The following NDN variants were observed in gnomAD, a reference collection of about 807,000 sequenced individuals.
NDN encodes the protein necdin, MAGE family member.
For missense variants in NDN, 465 were observed against 440.4 expected (o/e 1.06, Z -0.50); for synonymous variants, 245 against 189.4 (o/e 1.29, Z -2.41).
chr15:23,687,144 C>T lies in NDN; in HGVS notation c.74G>A (p.Ser25Asn). Reference protein sequence around the residue: ...AEAPNSEVHSSPGVSEGVPPS... With the variant: ...AEAPNSEVHSNPGVSEGVPPS... ...AGGAACCCCCTCCGAAACCCCAGGG[C>T]TGCTGTGCACCTCGGAGTTGGGGGC... The change falls in exon 1 of 1, where the codon AGC (serine) becomes AAC (asparagine). Residue 25 changes from serine (S) to asparagine (N), a missense_variant. Physicochemically the swap from Ser to Asn is conservative, Grantham distance 46. Transcript: ENST00000649030. 1 of 1,564,702 alleles carries T rather than the reference C, an allele frequency of 6.4e-7. No individual in the cohort carries two copies. The highest frequency in any genetic ancestry group is 1.4e-5 in the African/African-American group (1 of 71,498).
rs1277764200 is a variant in NDN at position 23,686,762 on chromosome 15, C to A, written c.456G>T (p.Gly152=). Residue 152 remains glycine, a synonymous_variant, in exon 1 of 1, where the codon GGG becomes GGT. Coordinates refer to ENST00000649030, the MANE Select transcript of NDN (RefSeq NM_002487.3). Reference sequence around the variant, plus strand: ...GCAGGCTGGTTAGCCTCAGGTGCAGCCCGAACACCCGGGCGAGGATGAGGC... The same window carrying A: ...GCAGGCTGGTTAGCCTCAGGTGCAGACCGAACACCCGGGCGAGGATGAGGC... ...RTSLILARVF[G]LHLRLTSLHT... 3 of 1,613,996 alleles carry A rather than the reference C, an allele frequency of 1.9e-6. No homozygotes were observed. The highest frequency in any genetic ancestry group is 3.3e-5 in the Admixed American group (2 of 60,028).
rs1193839039 is a variant in NDN, at chr15:23,685,621, T to C, written c.*631A>G. On this transcript the variant is annotated 3_prime_UTR_variant, in exon 1 of 1. Coordinates refer to ENST00000649030, the MANE Select transcript of NDN (RefSeq NM_002487.3). ...TCTGTATACACTGTAAAATAGAGAA[T>C]TGTCTCATTCCCAACCATACTGCTT... is the stretch of plus-strand genomic sequence containing the variant. 1 of 152,218 alleles carries C rather than the reference T, an allele frequency of 6.6e-6. No individual in the cohort carries two copies. Among genetic ancestry groups the C allele is most frequent in the Non-Finnish European group, 1.5e-5 (1 of 68,022 alleles). 9.4% of individuals were successfully genotyped at this position (152,218 alleles called of 1,614,324 possible).
chr15:23,687,088 G>A lies in NDN; in HGVS notation c.130C>T (p.Pro44Ser), dbSNP rs778048698. The A allele has an allele frequency of 6.3e-7, 1 of 1,576,728 alleles. No homozygotes were observed. Among genetic ancestry groups the A allele is most frequent in the Non-Finnish European group, 8.6e-7 (1 of 1,164,466 alleles). The change falls in exon 1 of 1, where the codon CCT (proline) becomes TCT (serine). Residue 44 changes from proline (P) to serine (S), a missense_variant. By Grantham distance (74) the Pro-to-Ser change is moderately conservative. Transcript: ENST00000649030. ...PSATLAEPQS[P>S]PLGPTAAPQA... is the part of the protein sequence containing the mutation. ...GGAGCGGCCGTCGGGCCTAGAGGAG[G>A]GCTCTGCGGCTCTGCCAGGGTCGCG...
rs766105084 is a variant in NDN at position 23,686,800 on chromosome 15, G to T, written c.418C>A (p.Leu140Ile). 24 of 1,614,004 alleles carry T rather than the reference G, an allele frequency of 1.5e-5. 2 individuals carry two copies. The South Asian group carries it at 2.3e-4, about 16-fold the overall frequency. Reference protein sequence around the residue: ...GSYKKWCRSILRRTSLILARV... With the variant: ...GSYKKWCRSIIRRTSLILARV... The stretch of plus-strand genomic sequence containing the variant: ...GCGAGGATGAGGCTGGTGCGCCGGA[G>T]GATGCTCCTGCACCACTTCTTGTAG... The change falls in exon 1 of 1, where the codon CTC (leucine) becomes ATC (isoleucine). Residue 140 changes from leucine (L) to isoleucine (I), a missense_variant. Physicochemically the swap from Leu to Ile is conservative, Grantham distance 5. Transcript: ENST00000649030.
In NDN at chr15:23,687,020, G is replaced by T; in HGVS notation, c.198C>A (p.Asp66Glu). The change falls in exon 1 of 1, where the codon GAC (aspartate) becomes GAA (glutamate). Residue 66 changes from aspartate to glutamate, a missense_variant. Asp to Glu is a conservative substitution (Grantham distance 45, BLOSUM62 2). Transcript: ENST00000649030. Reference protein sequence around the residue: ...PPPQAPNDEGDPKALQQAAEE... With the variant: ...PPPQAPNDEGEPKALQQAAEE... ...CCGCAGCCTGCTGCAGGGCCTTCGG[G>T]TCGCCCTCGTCGTTCGGGGCCTGGG... The T allele has an allele frequency of 6.8e-7, 1 of 1,472,030 alleles. No homozygotes were observed. The highest frequency in any genetic ancestry group is 1.4e-5 in the South Asian group (1 of 73,334). The allele number at this position is 1,472,030 out of a possible 1,614,324, so 91.2% of individuals were successfully genotyped here.
In NDN at chr15:23,685,520, A is replaced by G. The variant is rs1891130454; in HGVS notation, c.*732T>C. On this transcript the variant is annotated 3_prime_UTR_variant, in exon 1 of 1. Transcript: ENST00000649030. ...AACATGAGTTACATTTAAAGACAAT[A>G]GAACTATAAACTTCACAAATTTAGG... The G allele has an allele frequency of 1.3e-5, 2 of 152,270 alleles. No homozygotes were observed. The highest frequency in any genetic ancestry group is 1.3e-4 in the Admixed American group (2 of 15,292). 9.4% of individuals were successfully genotyped at this position (152,270 alleles called of 1,614,324 possible). A position where few individuals can be genotyped will look rare whatever the true frequency, so the allele number is the denominator to read the frequency against.
Position 23,687,268 on chromosome 15 carries a change from G to T in NDN, c.-51C>A, listed in dbSNP as rs1233505019. 1.5e-6 allele frequency: 2 copies of T among 1,352,696 alleles called. No individual in the cohort carries two copies. Among genetic ancestry groups the T allele is most frequent in the Admixed American group, 3.0e-5 (1 of 32,822 alleles). The allele number at this position is 1,352,696 out of a possible 1,614,324, so 83.8% of individuals were successfully genotyped here. ...GCCTCTGCGTCCAGGAGCTCTTCGAGCCTGCGCTCCCTCCGCGGATTCCTG... is the reference window on the plus strand; with the variant it reads ...GCCTCTGCGTCCAGGAGCTCTTCGATCCTGCGCTCCCTCCGCGGATTCCTG... On this transcript the variant is annotated 5_prime_UTR_variant, in exon 1 of 1. Coordinates refer to ENST00000649030, the MANE Select transcript of NDN (RefSeq NM_002487.3).
Position 23,687,055 on chromosome 15 carries a change from C to T in NDN, c.163G>A (p.Ala55Thr). The T allele has an allele frequency of 1.3e-6, 2 of 1,532,394 alleles. No individual in the cohort carries two copies. Among genetic ancestry groups the T allele is most frequent in the Non-Finnish European group, 1.8e-6 (2 of 1,142,490 alleles). 94.9% of individuals were successfully genotyped at this position (1,532,394 alleles called of 1,614,324 possible). A position where few individuals can be genotyped will look rare whatever the true frequency, so the allele number is the denominator to read the frequency against. The stretch of plus-strand genomic sequence containing the variant: ...TCGTTCGGGGCCTGGGGAGGCGGCG[C>T]GGCCTGCGGAGCGGCCGTCGGGCCT... ...PLGPTAAPQA[A>T]PPPQAPNDEG... Residue 55 changes from alanine (A) to threonine (T), a missense_variant, in exon 1 of 1, where the codon GCG (alanine) becomes ACG (threonine). Transcript: ENST00000649030.
At position 23,687,302 on chromosome 15, in the gene NDN, G is replaced by T; in HGVS notation, c.-85C>A. ...CCCTCCGCGGATTCCTGGAGAGGAAGTGCGCGTTGCTGCGCGCGGCGCCTT... is the reference window on the plus strand; with the variant it reads ...CCCTCCGCGGATTCCTGGAGAGGAATTGCGCGTTGCTGCGCGCGGCGCCTT... On this transcript the variant is annotated 5_prime_UTR_variant, in exon 1 of 1. Coordinates refer to ENST00000649030, the MANE Select transcript of NDN (RefSeq NM_002487.3). The T allele has an allele frequency of 1.1e-5, 15 of 1,311,298 alleles. No homozygotes were observed. The highest frequency in any genetic ancestry group is 1.4e-5 in the Non-Finnish European group (14 of 1,022,858). The allele number at this position is 1,311,298 out of a possible 1,614,324, so 81.2% of individuals were successfully genotyped here.
Position 23,685,442 on chromosome 15 carries a change from T to C in NDN, c.*810A>G, listed in dbSNP as rs1891129181. The C allele has an allele frequency of 6.6e-6, 1 of 152,194 alleles. No homozygotes were observed. The highest frequency in any genetic ancestry group is 2.4e-5 in the African/African-American group (1 of 41,446). 9.4% of individuals were successfully genotyped at this position (152,194 alleles called of 1,614,324 possible). ...TCCCATATGATGTGATTACAGACAA[T>C]CTTACTGTTTTGTTTTGTATACTTT... is the stretch of plus-strand genomic sequence containing the variant. On this transcript the variant is annotated 3_prime_UTR_variant, in exon 1 of 1. Transcript: ENST00000649030.
Position 23,686,208 on chromosome 15 carries a change from G to A in NDN, c.*44C>T. On this transcript the variant is annotated 3_prime_UTR_variant, in exon 1 of 1. Transcript: ENST00000649030. ...AATGACCCACCCCCACCCTTCCACA[G>A]CCCTGGTGAGGGTCAGAAACCATTC... The A allele has an allele frequency of 6.7e-7, 1 of 1,500,602 alleles. No individual in the cohort carries two copies. The highest frequency in any genetic ancestry group is 8.9e-7 in the Non-Finnish European group (1 of 1,127,360). 93.0% of individuals were successfully genotyped at this position (1,500,602 alleles called of 1,614,324 possible).
chr15:23,685,553 A>G lies in NDN; in HGVS notation c.*699T>C, dbSNP rs1595345101. On this transcript the variant is annotated 3_prime_UTR_variant, in exon 1 of 1. Coordinates refer to ENST00000649030, the MANE Select transcript of NDN (RefSeq NM_002487.3). ...AAACTTCACAAATTTAGGAGTAATC[A>G]TGAGTAGCGATTTTTCCCACCCTAT... 1 of 152,356 alleles carries G rather than the reference A, an allele frequency of 6.6e-6. No homozygotes were observed. The highest frequency in any genetic ancestry group is 1.9e-4 in the East Asian group (1 of 5,186). 9.4% of individuals were successfully genotyped at this position (152,356 alleles called of 1,614,324 possible).
At position 23,686,979 on chromosome 15, in the gene NDN, T is replaced by G. The variant is rs1262955919; in HGVS notation, c.239A>C (p.His80Pro). 1 of 1,499,506 alleles carries G rather than the reference T, an allele frequency of 6.7e-7. No homozygotes were observed. Among genetic ancestry groups the G allele is most frequent in the Non-Finnish European group, 8.8e-7 (1 of 1,130,520 alleles). The allele number at this position is 1,499,506 out of a possible 1,614,324, so 92.9% of individuals were successfully genotyped here. Residue 80 changes from histidine (H) to proline (P), a missense_variant, in exon 1 of 1, where the codon CAC (histidine) becomes CCC (proline). Physicochemically the swap from His to Pro is moderately conservative, Grantham distance 77. Transcript: ENST00000649030. ...CGGCTGGGCCGCGCTCGGGGCCTGG[T>G]GGGCGCGGCCCTCCTCCGCAGCCTG... Reference protein sequence around the residue: ...LQQAAEEGRAHQAPSAAQPGP... With the variant: ...LQQAAEEGRAPQAPSAAQPGP...
Position 23,687,039 on chromosome 15 carries a change from G to T in NDN, c.179C>A (p.Ala60Asp). The change falls in exon 1 of 1, where the codon GCC (alanine) becomes GAC (aspartate). Residue 60 changes from alanine (A) to aspartate (D), a missense_variant. Transcript: ENST00000649030. ...CTTCGGGTCGCCCTCGTCGTTCGGG[G>T]CCTGGGGAGGCGGCGCGGCCTGCGG... The part of the protein sequence containing the change: ...AAPQAAPPPQ[A>D]PNDEGDPKAL... The T allele has an allele frequency of 6.6e-7, 1 of 1,513,150 alleles. No homozygotes were observed. Among genetic ancestry groups the T allele is most frequent in the Non-Finnish European group, 8.8e-7 (1 of 1,132,788 alleles). 93.7% of individuals were successfully genotyped at this position (1,513,150 alleles called of 1,614,324 possible).
In NDN at chr15:23,686,822, G is replaced by C; in HGVS notation, c.396C>G (p.Tyr132Ter). 1 of 1,614,086 alleles carries C rather than the reference G, an allele frequency of 6.2e-7. No homozygotes were observed. The highest frequency in any genetic ancestry group is 8.5e-7 in the Non-Finnish European group (1 of 1,180,032). Residue 132 changes from tyrosine (Y) to a stop codon, truncating the protein, a stop_gained, in exon 1 of 1, where the codon TAC becomes TAG. Coordinates refer to ENST00000649030, the MANE Select transcript of NDN (RefSeq NM_002487.3). LOFTEE classifies it low-confidence loss of function (END_TRUNC). ...GGAGGATGCTCCTGCACCACTTCTTGTAGCTGCCGATGACATCTTTCACCA... is the reference window on the plus strand; with the variant it reads ...GGAGGATGCTCCTGCACCACTTCTTCTAGCTGCCGATGACATCTTTCACCA... ...PDMVKDVIGSYKKWCRSILRR... is the reference protein window; with the variant it reads ...PDMVKDVIGS
chr15:23,686,415 C>T lies in NDN; in HGVS notation c.803G>A (p.Arg268His), dbSNP rs750704224. ...CATGATTTGCATCTTGGTGATTTCG[C>T]GGCTGGCCCGGGAGCCCCAAAAGAA... ...YEFFWGSRASREITKMQIMEF... is the reference protein window; with the variant it reads ...YEFFWGSRASHEITKMQIMEF... Residue 268 changes from arginine (R) to histidine (H), a missense_variant, in exon 1 of 1, where the codon CGC becomes CAC. Coordinates refer to ENST00000649030, the MANE Select transcript of NDN (RefSeq NM_002487.3). The T allele has an allele frequency of 3.7e-6, 6 of 1,607,438 alleles. No homozygotes were observed. The highest frequency in any genetic ancestry group is 1.1e-5 in the South Asian group (1 of 90,430).
chr15:23,686,816 C>T lies in NDN; in HGVS notation c.402G>A (p.Lys134=), dbSNP rs1891155228. ...MVKDVIGSYK[K]WCRSILRRTS... ...TGCGCCGGAGGATGCTCCTGCACCA[C>T]TTCTTGTAGCTGCCGATGACATCTT... The change falls in exon 1 of 1, where the codon AAG becomes AAA. Residue 134 remains lysine, a synonymous_variant. Transcript: ENST00000649030. 1 of 1,614,090 alleles carries T rather than the reference C, an allele frequency of 6.2e-7. No individual in the cohort carries two copies. The highest frequency in any genetic ancestry group is 8.5e-7 in the Non-Finnish European group (1 of 1,180,030).
chr15:23,686,099 A>G lies in NDN; in HGVS notation c.*153T>C. The G allele has an allele frequency of 1.2e-6, 1 of 854,018 alleles. No individual in the cohort carries two copies. The highest frequency in any genetic ancestry group is 1.7e-6 in the Non-Finnish European group (1 of 597,904). 52.9% of individuals were successfully genotyped at this position (854,018 alleles called of 1,614,324 possible). On this transcript the variant is annotated 3_prime_UTR_variant, in exon 1 of 1. Transcript: ENST00000649030. ...TACACAATAGTACCCAAATGAATAC[A>G]ACATTGCATTAAAGGTATAAAAGCA... is the stretch of plus-strand genomic sequence containing the variant.
Position 23,687,084 on chromosome 15 carries a change from G to A in NDN, c.134C>T (p.Pro45Leu), listed in dbSNP as rs1300175097. 3.2e-6 allele frequency: 5 copies of A among 1,575,894 alleles called. No homozygotes were observed. Among genetic ancestry groups the A allele is most frequent in the African/African-American group, 1.4e-5 (1 of 72,030 alleles). ...CTGCGGAGCGGCCGTCGGGCCTAGA[G>A]GAGGGCTCTGCGGCTCTGCCAGGGT... ...SATLAEPQSP[P>L]LGPTAAPQAA... Residue 45 changes from proline to leucine, a missense_variant, in exon 1 of 1, where the codon CCT becomes CTT. By Grantham distance (98) the Pro-to-Leu change is moderately conservative. Transcript: ENST00000649030.
Sources: gnomAD v4.1 joint callset for allele counts on GRCh38, gnomAD v4.1.1 for gene constraint, MANE v1.5 for transcripts, NCBI Gene and HGNC (gene_info 2026-07-23, HGNC 2026-07-21) for gene names.